The following FER1L6 variants were observed in gnomAD, a reference collection of about 807,000 sequenced individuals.
FER1L6 encodes the protein fer-1 like family member 6.
FER1L6 carries 177 observed loss-of-function variants against 219.2 expected under a neutral mutation model. The observed-to-expected ratio is 0.81, with a 90% CI of 0.71 to 0.91. The LOEUF (loss-of-function observed/expected upper bound fraction) is 0.91. Among genes scored for constraint, FER1L6 ranks in the 40% least tolerant of loss-of-function variants. FER1L6 has a pLI of 0.00. For missense variants in FER1L6, 2,153 were observed against 2,259.9 expected (o/e 0.95, Z 0.96); for synonymous variants, 768 against 824.3 (o/e 0.93, Z 1.17).
chr8:124,107,409 T>C (rs1822826612), intron 39 of FER1L6, among the ~76,000 whole-genome samples: 1 of 152,074 alleles, frequency 6.6e-6, no homozygotes, highest in South Asian at 2.1e-4. Flanking sequence ...AGAAGACAGG[T>C]AGATTTTAAT....
intron 9 of FER1L6, among the ~76,000 whole-genome samples, chr8:123,977,146 C>T (rs1436692735): frequency 6.6e-6 from 1 of 152,198 alleles, no homozygotes; most frequent in East Asian, 1.9e-4. Flanking sequence ...CACTGTATTT[C>T]TGGAGTTGCA....
chr8:124,025,379 G>T (rs114533479), intron 18 of FER1L6, among the ~76,000 whole-genome samples: 4,117 of 152,048 alleles, frequency 0.027, 85 homozygotes, highest in East Asian at 0.08. Context: ...AGAGATCCAG[G>T]TTCATTCTTC....
At chr8:123,858,402 G>T (rs1816685379) in intron 1 of FER1L6, among the ~76,000 whole-genome samples, 1 of 152,186 alleles carries the variant, frequency 6.6e-6, no homozygotes, top group South Asian at 2.1e-4. Flanking sequence ...ATTAGTTAAG[G>T]CAGTGCTAGC....
intron 18 of FER1L6, among the ~76,000 whole-genome samples, chr8:124,026,467 T>A (rs1350077405): frequency 1.3e-5 from 2 of 152,102 alleles, no homozygotes; most frequent in Non-Finnish European, 2.9e-5. Flanking sequence ...GTAGTTTCAG[T>A]GTTTGTGGGG....
chr8:123,915,734 G>T (rs1813171394), intron 1 of FER1L6, among the ~76,000 whole-genome samples: 1 of 152,136 alleles, frequency 6.6e-6, no homozygotes, highest in Non-Finnish European at 1.5e-5. Flanking sequence ...TAGAGCCTAG[G>T]CAGGGAGAGG....
Position 124,003,185 on chromosome 8 carries a change from T to C in FER1L6, c.1538T>C (p.Ile513Thr), listed in dbSNP as rs772287442. ...TCTGCAGGTAATTTTGGAAACCTGATTGATGGAGGATCCCATCATGGGAGT... is the reference window on the plus strand; with the variant it reads ...TCTGCAGGTAATTTTGGAAACCTGACTGATGGAGGATCCCATCATGGGAGT... ...EVSIGNFGNL[I>T]DGGSHHGSKK... The change falls in exon 13 of 41, where the codon ATT becomes ACT. Residue 513 changes from isoleucine (I) to threonine (T), a missense_variant. Coordinates refer to ENST00000522917, the MANE Select transcript of FER1L6 (RefSeq NM_001039112.2). 5.0e-6 allele frequency: 8 copies of C among 1,613,878 alleles called. No individual in the cohort carries two copies. The African/African-American group carries it at 9.3e-5, about 19-fold the overall frequency.
intron 12 of FER1L6, among the ~76,000 whole-genome samples, chr8:123,998,962 C>T (rs1212209743): frequency 6.6e-6 from 1 of 151,868 alleles, no homozygotes; most frequent in East Asian, 1.9e-4. Flanking sequence ...ACAATGGGCT[C>T]CTCTCTGACC....
In FER1L6 at chr8:123,853,317, G is replaced by A. The variant is rs1338419862; in HGVS notation, c.-8+1132G>A. Among the ~76,000 whole-genome samples the A allele has an allele frequency of 6.6e-6, 1 of 151,978 alleles. No homozygotes were observed. Among genetic ancestry groups the A allele is most frequent in the South Asian group, 2.1e-4 (1 of 4,816 alleles). ...TTACAGGTGCTTGCCATCACACCCG[G>A]CTAATTTCTGTATTTTTAGAGAAGA... On this transcript the variant is annotated intron_variant, in intron 1 of 40. Coordinates refer to ENST00000522917, the MANE Select transcript of FER1L6 (RefSeq NM_001039112.2). The surrounding 1 kb of genome is among the most constrained non-coding windows in gnomAD (Gnocchi z 6.6).
At chr8:124,114,855 C>A (rs1035050389) in intron 39 of FER1L6, among the ~76,000 whole-genome samples, 2 of 143,238 alleles carry the variant, frequency 1.4e-5, no homozygotes, top group Non-Finnish European at 3.0e-5. Flanking sequence ...TATATATACA[C>A]TTAAATACAT....
intron 1 of FER1L6, among the ~76,000 whole-genome samples, chr8:123,937,785 TA>T (rs1554618147): frequency 6.6e-6 from 1 of 152,148 alleles, no homozygotes; most frequent in Non-Finnish European, 1.5e-5. Flanking sequence ...TTTAGAAAAA[TA>T]TATTTTTTTC....
At chr8:123,922,499 C>G (rs1813397460) in intron 1 of FER1L6, among the ~76,000 whole-genome samples, 1 of 152,174 alleles carries the variant, frequency 6.6e-6, no homozygotes, top group Non-Finnish European at 1.5e-5. Flanking sequence ...TGGGCCCGGA[C>G]TTTGTGCAGG....
chr8:124,115,442 G>A (rs1046386225), intron 39 of FER1L6, among the ~76,000 whole-genome samples: 1 of 152,036 alleles, frequency 6.6e-6, no homozygotes, highest in Admixed American at 6.6e-5. Context: ...CTAGCAGGGT[G>A]GTGGAGCTGG....
At chr8:123,981,828 A>C (rs1158682831) in intron 11 of FER1L6, among the ~76,000 whole-genome samples, 2 of 152,210 alleles carry the variant, frequency 1.3e-5, no homozygotes, top group African/African-American at 4.8e-5. Context: ...TTACCCTGCC[A>C]TAGGCATATT....
chr8:124,114,884 T>C (rs1823171162), intron 39 of FER1L6, among the ~76,000 whole-genome samples: 1 of 124,152 alleles, frequency 8.1e-6, no homozygotes, highest in South Asian at 2.8e-4. Context: ...ATATATGCAG[T>C]GTGTGTGTGC....
At chr8:123,864,759 C>T (rs1816803468) in intron 1 of FER1L6, among the ~76,000 whole-genome samples, 1 of 150,016 alleles carries the variant, frequency 6.7e-6, no homozygotes. Flanking sequence ...ACCCTTTCTT[C>T]CAGTTGATCG....
chr8:123,910,240 A>G (rs1813027858), intron 1 of FER1L6, among the ~76,000 whole-genome samples: 1 of 152,182 alleles, frequency 6.6e-6, no homozygotes, highest in African/African-American at 2.4e-5. Flanking sequence ...AACAGTAATG[A>G]TGATAATCAG....
At chr8:124,081,492 A>G (rs1187292446) in intron 32 of FER1L6, among the ~76,000 whole-genome samples, 3 of 151,922 alleles carry the variant, frequency 2.0e-5, no homozygotes, top group Non-Finnish European at 2.9e-5. Context: ...CAATTTATCT[A>G]TAAAATGAAG....
intron 1 of FER1L6, among the ~76,000 whole-genome samples, chr8:123,878,951 CT>C (rs1817058768): frequency 6.6e-6 from 1 of 152,196 alleles, no homozygotes; most frequent in Non-Finnish European, 1.5e-5. Context: ...CACTTTCTCT[CT>C]GTTAAAAAGT....
rs1165462956 is a variant in FER1L6 at position 124,021,436 on chromosome 8, A to C, written c.2014-114A>C. On this transcript the variant is annotated intron_variant, in intron 16 of 40. Transcript: ENST00000522917. Reference sequence around the variant, plus strand: ...ACGGTGGCAGACCCTGGAACAGTCCACGTGAGTGACTCAGTGTGGAGCTCA... The same window carrying C: ...ACGGTGGCAGACCCTGGAACAGTCCCCGTGAGTGACTCAGTGTGGAGCTCA... 6.3e-6 allele frequency: 9 copies of C among 1,431,224 alleles called. No individual in the cohort carries two copies. In the Admixed American group the frequency reaches 9.4e-5, roughly 15 times the overall value. The allele number at this position is 1,431,224 out of a possible 1,614,324, so 88.7% of individuals were successfully genotyped here.
Sources: allele counts gnomAD v4.1 joint callset (sites outside exome capture counted in the v4.1 genomes callset), GRCh38; gene constraint gnomAD v4.1.1; non-coding constraint Gnocchi (gnomAD v3.1); transcripts MANE v1.5; gene names NCBI Gene and HGNC (gene_info 2026-07-23, HGNC 2026-07-21).